Variants in AK3 observed in about 807,000 individuals in gnomAD.
AK3 encodes the protein GTP:AMP phosphotransferase AK3, mitochondrial.
Under a neutral mutation model 23.7 loss-of-function variants are expected in AK3, and 27 were observed. The observed-to-expected ratio is 1.14, with a 90% CI of 0.84 to 1.57. The LOEUF (loss-of-function observed/expected upper bound fraction) is 1.57, where lower values mean the gene tolerates loss of function less well. Ranked by LOEUF, AK3 falls within the 40% of genes most tolerant of loss-of-function variation. The probability of loss-of-function intolerance (pLI) is 0.00; values close to 1 mark genes in which losing one functional copy is unlikely to be tolerated. For synonymous variants in AK3, 159 were observed against 116.0 expected, an observed-to-expected ratio of 1.37 and a Z score of -2.38; for missense variants, 406 against 285.6, an observed-to-expected ratio of 1.42 and a Z score of -3.04.
chr9:4,714,093 T>A (rs1841647865), intron 4 of AK3, among the ~76,000 whole-genome samples: 1 of 51,216 alleles, frequency 2.0e-5, no homozygotes, highest in Non-Finnish European at 3.9e-5. Context: ...CACCTACACA[T>A]ATACACACCT....
Position 4,741,071 on chromosome 9 carries a change from C to G in AK3, c.17G>C (p.Arg6Pro), listed in dbSNP as rs148762993. Reference sequence around the variant, plus strand: ...CCCCATGATCACCGCTCGCAGCAGCCGCGCGGACGCCCCCATGGCCGCAGA... The same window carrying G: ...CCCCATGATCACCGCTCGCAGCAGCGGCGCGGACGCCCCCATGGCCGCAGA... MGASA[R>P]LLRAVIMGAP... The change falls in exon 1 of 5, where the codon CGG becomes CCG. Residue 6 changes from arginine (R) to proline (P), a missense_variant. Coordinates refer to ENST00000381809, the MANE Select transcript of AK3 (RefSeq NM_016282.4). 1.3e-6 allele frequency: 2 copies of G among 1,548,840 alleles called. No individual in the cohort carries two copies. Among genetic ancestry groups the G allele is most frequent in the African/African-American group, 1.4e-5 (1 of 70,894 alleles).
At chr9:4,737,644 A>G (rs1483510527) in intron 1 of AK3, among the ~76,000 whole-genome samples, 3 of 152,170 alleles carry the variant, frequency 2.0e-5, no homozygotes, top group Admixed American at 6.5e-5. Flanking sequence ...GCTTGAACCC[A>G]GGAGTCGGAG....
intron 2 of AK3, 26 bp downstream of exon 2, chr9:4,722,480 T>C (rs1181214398): frequency 1.2e-6 from 2 of 1,613,844 alleles, no homozygotes; most frequent in East Asian, 2.2e-5. Flanking sequence ...TTTGGGCAGG[T>C]GAAATGCTCA....
At chr9:4,720,755 T>G (rs1157493570) in intron 2 of AK3, among the ~76,000 whole-genome samples, 1 of 151,542 alleles carries the variant, frequency 6.6e-6, no homozygotes, top group Non-Finnish European at 1.5e-5. Flanking sequence ...AAATATCATC[T>G]GAAAAATTAC....
At chr9:4,720,656 C>T (rs1456685733) in intron 2 of AK3, among the ~76,000 whole-genome samples, 1 of 147,772 alleles carries the variant, frequency 6.8e-6, no homozygotes, top group African/African-American at 2.5e-5. Context: ...CTCCATTGCA[C>T]TGCAGCCTGG....
chr9:4,713,683 G>T (rs1445434238), intron 4 of AK3, among the ~76,000 whole-genome samples: 2 of 152,048 alleles, frequency 1.3e-5, no homozygotes, highest in East Asian at 3.8e-4. Flanking sequence ...GTTTTATTGG[G>T]TTTCCTATTG....
Position 4,719,219 on chromosome 9 carries a change from G to A in AK3, c.360C>T (p.Val120=), listed in dbSNP as rs114378941. 174 of 1,611,874 alleles carry A rather than the reference G, an allele frequency of 1.1e-4. No homozygotes were observed. The African/African-American group carries it at 2.2e-3, about 21-fold the overall frequency. ...AGCGAGCAGTAAGGCGTTGTTTAAT[G>A]ACCTCAAAGGGCACATTCAGGTTAA... ...TVINLNVPFE[V]IKQRLTARWI... is the part of the protein sequence containing the mutation. The change falls in exon 3 of 5, where the codon GTC becomes GTT. Residue 120 remains valine (V), a synonymous_variant. Transcript: ENST00000381809.
At chr9:4,739,797 G>A (rs1449310492) in intron 1 of AK3, among the ~76,000 whole-genome samples, 1 of 152,030 alleles carries the variant, frequency 6.6e-6, no homozygotes, top group Non-Finnish European at 1.5e-5. Context: ...CCGGCGTGGT[G>A]GCATGCGCCT....
intron 1 of AK3, among the ~76,000 whole-genome samples, chr9:4,725,208 G>A (rs1214229965): frequency 1.3e-5 from 2 of 151,580 alleles, no homozygotes; most frequent in Non-Finnish European, 2.9e-5. Context: ...ATTTTTAGTA[G>A]AGACAGGGTT....
At chr9:4,716,588 C>T (rs7025342) in intron 4 of AK3, among the ~76,000 whole-genome samples, 37,971 of 152,046 alleles carry the variant, frequency 0.25, 4,860 homozygotes, top group Middle Eastern at 0.3. Flanking sequence ...ACAGCTACTA[C>T]AAAAAATGGT....
chr9:4,734,159 A>T (rs900297494), intron 1 of AK3, among the ~76,000 whole-genome samples: 2 of 152,204 alleles, frequency 1.3e-5, no homozygotes, highest in African/African-American at 4.8e-5. Context: ...TGTCTTTATA[A>T]GAGGAGGAGG....
chr9:4,736,023 G>C (rs1319976533), intron 1 of AK3, among the ~76,000 whole-genome samples: 1 of 150,856 alleles, frequency 6.6e-6, no homozygotes, highest in African/African-American at 2.4e-5. Flanking sequence ...GCTGAGGCAG[G>C]AGAAGCACTT....
intron 2 of AK3, among the ~76,000 whole-genome samples, chr9:4,721,995 T>C (rs1177180774): frequency 2.0e-5 from 3 of 152,214 alleles, no homozygotes; most frequent in Non-Finnish European, 4.4e-5. Context: ...GAAGACTAGA[T>C]TAGCTATCCT....
rs1467520876 is a variant in AK3 at position 4,719,241 on chromosome 9, T to G, written c.338A>C (p.Asn113Thr). The G allele has an allele frequency of 2.5e-6, 4 of 1,611,978 alleles. No individual in the cohort carries two copies. The African/African-American group carries it at 4.0e-5, about 16-fold the overall frequency. ...DRAYQIDTVI[N>T]LNVPFEVIKQ... The stretch of plus-strand genomic sequence containing the variant: ...AATGACCTCAAAGGGCACATTCAGG[T>G]TAATCACTGTGTCGATCTGATAAGC... The change falls in exon 3 of 5, where the codon AAC becomes ACC. Residue 113 changes from asparagine to threonine, a missense_variant. By Grantham distance (65) the Asn-to-Thr change is moderately conservative (BLOSUM62 0). Coordinates refer to ENST00000381809, the MANE Select transcript of AK3 (RefSeq NM_016282.4).
intron 1 of AK3, among the ~76,000 whole-genome samples, chr9:4,724,617 A>G (rs1356984048): frequency 2.6e-5 from 4 of 152,138 alleles, no homozygotes; most frequent in Non-Finnish European, 5.9e-5. Flanking sequence ...CATCTCTACA[A>G]AAGATTAAAA....
At position 4,712,732 on chromosome 9, in the gene AK3, G is replaced by T. The variant is rs1289712750; in HGVS notation, c.*244C>A. Reference sequence around the variant, plus strand: ...TTTTGCTCTAACAGATGTTTTAAAGGTTCAGACATCGCTGATGTTTTTGAG... The same window carrying T: ...TTTTGCTCTAACAGATGTTTTAAAGTTTCAGACATCGCTGATGTTTTTGAG... On this transcript the variant is annotated 3_prime_UTR_variant, in exon 5 of 5. Transcript: ENST00000381809. 2 of 300,064 alleles carry T rather than the reference G, an allele frequency of 6.7e-6. No homozygotes were observed. The highest frequency in any genetic ancestry group is 9.6e-5 in the Admixed American group (2 of 20,736). 18.6% of individuals were successfully genotyped at this position (300,064 alleles called of 1,614,324 possible).
At chr9:4,717,615 G>C (rs902932850) in intron 4 of AK3, among the ~76,000 whole-genome samples, 1 of 152,134 alleles carries the variant, frequency 6.6e-6, no homozygotes. Context: ...TTATGATGGT[G>C]CGAAAGCAAC....
chr9:4,733,740 C>A (rs534584799), intron 1 of AK3, among the ~76,000 whole-genome samples: 2 of 152,256 alleles, frequency 1.3e-5, no homozygotes, highest in Non-Finnish European at 2.9e-5. Flanking sequence ...CATCTTATTT[C>A]TCCTCCTCCC....
intron 1 of AK3, among the ~76,000 whole-genome samples, chr9:4,739,254 A>C (rs915853783): frequency 6.6e-6 from 1 of 151,332 alleles, no homozygotes; most frequent in African/African-American, 2.4e-5. Context: ...GCAGCGTTGC[A>C]ATCTCGACTC....
Sources: allele counts gnomAD v4.1 joint callset (sites outside exome capture counted in the v4.1 genomes callset), GRCh38; gene constraint gnomAD v4.1.1; transcripts MANE v1.5; gene names NCBI Gene and HGNC (gene_info 2026-07-23, HGNC 2026-07-21).